The following ERCC2 variants were observed in gnomAD, a reference collection of about 807,000 sequenced individuals.
ERCC2 encodes ERCC excision repair 2, TFIIH core complex helicase subunit.
Under a neutral mutation model 99.4 loss-of-function variants are expected in ERCC2, and 90 were observed. The ratio of observed to expected loss-of-function variants is 0.91; its 90% CI spans 0.76 to 1.08. ERCC2 has a LOEUF of 1.08. Ranked by LOEUF, ERCC2 falls within the 50% of genes least tolerant of loss-of-function variation. The probability of loss-of-function intolerance (pLI) is 0.00; values close to 1 mark genes in which losing one functional copy is unlikely to be tolerated. For synonymous variants in ERCC2, 497 were observed against 432.4 expected (o/e 1.15, Z -1.85); for missense variants, 993 against 1,038.1 (o/e 0.96, Z 0.60).
At chr19:45,368,832 C>T (rs1972513411) in intron 4 of ERCC2, 89 bp from the exon 5 acceptor site, 3 of 1,562,096 alleles carry the variant, frequency 1.9e-6, no homozygotes, top group Admixed American at 1.7e-5. Flanking sequence ...TCCCCAGCTT[C>T]CCAAACACCC....
In ERCC2 at chr19:45,355,621, T is replaced by G. The variant is rs371583545; in HGVS notation, c.1543+44A>C. The G allele has an allele frequency of 3.0e-5, 46 of 1,531,082 alleles. No homozygotes were observed. The African/African-American group carries it at 5.6e-4, about 19-fold the overall frequency. 94.8% of individuals were successfully genotyped at this position (1,531,082 alleles called of 1,614,324 possible). A position where few individuals can be genotyped will look rare whatever the true frequency, so the allele number is the denominator to read the frequency against. On this transcript the variant is annotated intron_variant, in intron 16 of 22. Transcript: ENST00000391945. ...ACTCAGCCCACCTGACTGATACACC[T>G]CCCCTCTTGGAACCCACAGAAACCA...
In ERCC2 at chr19:45,350,429, T is replaced by C. The variant is rs779005130; in HGVS notation, c.*1200A>G. 2 of 1,612,882 alleles carry C rather than the reference T, an allele frequency of 1.2e-6. No homozygotes were observed. The highest frequency in any genetic ancestry group is 1.7e-6 in the Non-Finnish European group (2 of 1,179,082). Reference sequence around the variant, plus strand: ...CACAAGGAGGACCTACCCGCCCCTCTCGGTGAGCCCCTAGCCCCTGTCTGT... The same window carrying C: ...CACAAGGAGGACCTACCCGCCCCTCCCGGTGAGCCCCTAGCCCCTGTCTGT... On this transcript the variant is annotated 3_prime_UTR_variant, in exon 23 of 23. Coordinates refer to ENST00000391945, the MANE Select transcript of ERCC2 (RefSeq NM_000400.4).
chr19:45,365,344 C>T (rs922199940), intron 5 of ERCC2, among the ~76,000 whole-genome samples, 186 bp from the exon 6 acceptor site: 3 of 152,180 alleles, frequency 2.0e-5, no homozygotes, highest in Admixed American at 2.0e-4. Context: ...GGGCTGGGCG[C>T]GGTGGCTCAC....
chr19:45,357,172 A>G, intron 15 of ERCC2, 98 bp downstream of exon 15: 1 of 845,692 alleles, frequency 1.2e-6, no homozygotes, highest in South Asian at 1.5e-5. Context: ...CTTCGCTGTA[A>G]AGCTCTCCTG....
chr19:45,361,403 C>G (rs1599739161), intron 12 of ERCC2, 121 bp downstream of exon 12: 2 of 782,522 alleles, frequency 2.6e-6, no homozygotes, highest in East Asian at 5.0e-5. Flanking sequence ...AAATAGGGCC[C>G]ACACTTCCAA....
At chr19:45,353,432 G>T in intron 17 of ERCC2, 98 bp from the exon 18 acceptor site, 1 of 786,328 alleles carries the variant, frequency 1.3e-6, no homozygotes, top group Non-Finnish European at 2.2e-6. Flanking sequence ...ATGTCTCTGG[G>T]CCTCAGCTGG....
intron 22 of ERCC2, 98 bp from the exon 23 acceptor site, chr19:45,351,819 G>A: frequency 1.9e-6 from 2 of 1,053,034 alleles, no homozygotes; most frequent in South Asian, 1.3e-5. Flanking sequence ...GGCCAGTAGG[G>A]ACAGGATGTT....
At chr19:45,354,697 G>T in intron 17 of ERCC2, 33 bp downstream of exon 17, 1 of 1,612,654 alleles carries the variant, frequency 6.2e-7, no homozygotes, top group South Asian at 1.1e-5. Flanking sequence ...GGACTGAGGA[G>T]AGCAGGTGCA....
rs1971954711 is a variant in ERCC2, at chr19:45,354,761, A to G, written c.1634T>C (p.Met545Thr). Residue 545 changes from methionine (M) to threonine (T), a missense_variant, in exon 17 of 23, where the codon ATG (methionine) becomes ACG (threonine). By Grantham distance (81) the Met-to-Thr change is moderately conservative. Transcript: ENST00000391945. ...ATACCAGGAGGCCACGGTGCTCTCC[A>G]TGTACTGGTAGCTGGTGAAGAAGGC... Reference protein sequence around the residue: ...IVAFFTSYQYMESTVASWYEQ... With the variant: ...IVAFFTSYQYTESTVASWYEQ... The G allele has an allele frequency of 1.9e-6, 3 of 1,614,084 alleles. No individual in the cohort carries two copies. Among genetic ancestry groups the G allele is most frequent in the Non-Finnish European group, 2.5e-6 (3 of 1,179,968 alleles).
Position 45,358,923 on chromosome 19 carries a change from A to C in ERCC2, c.1238-1224T>G, listed in dbSNP as rs760126755. The C allele has an allele frequency of 5.2e-6, 4 of 772,216 alleles. No homozygotes were observed. The African/African-American group carries it at 6.8e-5, about 13-fold the overall frequency. 47.8% of individuals were successfully genotyped at this position (772,216 alleles called of 1,614,324 possible). On this transcript the variant is annotated intron_variant, in intron 12 of 22. Transcript: ENST00000391945. ...AGTGCTGAGCCTGGCCTGTTTGTTG[A>C]AGAAATAAATGAATGAATGAATTTA...
In ERCC2 at chr19:45,351,613, G is replaced by T. The variant is rs1332422483; in HGVS notation, c.*16C>A. 1.9e-6 allele frequency: 3 copies of T among 1,613,132 alleles called. No individual in the cohort carries two copies. Among genetic ancestry groups the T allele is most frequent in the Non-Finnish European group, 1.7e-6 (2 of 1,179,664 alleles). Reference sequence around the variant, plus strand: ...CAGGAGTCACCAGGAACCGTTTATGGCCCCACCCGCCCCACTCAGAGCTGC... The same window carrying T: ...CAGGAGTCACCAGGAACCGTTTATGTCCCCACCCGCCCCACTCAGAGCTGC... On this transcript the variant is annotated 3_prime_UTR_variant, in exon 23 of 23. Coordinates refer to ENST00000391945, the MANE Select transcript of ERCC2 (RefSeq NM_000400.4).
Position 45,351,662 on chromosome 19 carries a change from C to T in ERCC2, c.2250G>A (p.Leu750=). ...SLEQLESEET[L]KRIEQIAQQL is the part of the protein sequence containing the mutation. Reference sequence around the variant, plus strand: ...GCTGAGCAATCTGCTCTATCCTCTTCAGCGTCTCCTCTGATTCTAGCTGCT... The same window carrying T: ...GCTGAGCAATCTGCTCTATCCTCTTTAGCGTCTCCTCTGATTCTAGCTGCT... The change falls in exon 23 of 23, where the codon CTG becomes CTA. Residue 750 remains leucine, a synonymous_variant. Coordinates refer to ENST00000391945, the MANE Select transcript of ERCC2 (RefSeq NM_000400.4). 2 of 1,614,044 alleles carry T rather than the reference C, an allele frequency of 1.2e-6. No homozygotes were observed. Among genetic ancestry groups the T allele is most frequent in the Non-Finnish European group, 1.7e-6 (2 of 1,179,996 alleles).
At chr19:45,355,497 G>T (rs1359092367) in intron 16 of ERCC2, among the ~76,000 whole-genome samples, 168 bp downstream of exon 16, 2 of 152,238 alleles carry the variant, frequency 1.3e-5, no homozygotes, top group Admixed American at 1.3e-4. Context: ...AGGAGACACA[G>T]GGCAGGCCCC....
Position 45,364,413 on chromosome 19 carries a change from GC to G in ERCC2, c.718+10del, listed in dbSNP as rs56298227. ...GGCTGGCATCCCTTTGGCCCCTGGC[GC>G]CCCCCTCACCAATGTTGTGGGCCTC... On this transcript the variant is annotated intron_variant, in intron 8 of 22. Coordinates refer to ENST00000391945, the MANE Select transcript of ERCC2 (RefSeq NM_000400.4). 3.0e-5 allele frequency: 49 copies of G among 1,613,720 alleles called. No individual in the cohort carries two copies. The East Asian group carries it at 1.0e-3, about 34-fold the overall frequency.
At chr19:45,370,050 C>A in intron 2 of ERCC2, 83 bp downstream of exon 2, 1 of 1,320,684 alleles carries the variant, frequency 7.6e-7, no homozygotes, top group South Asian at 1.2e-5. Context: ...CTTCTAAAAT[C>A]CAGACGTCCT....
chr19:45,357,934 A>G lies in ERCC2; in HGVS notation c.1238-235T>C, dbSNP rs2123254004. ...TGTGCAAACTTTCACGAAGGATCCC[A>G]AGTAGAGAGCCCACAGCCCCGCCCA... is the stretch of plus-strand genomic sequence containing the variant. On this transcript the variant is annotated intron_variant, in intron 12 of 22. Transcript: ENST00000391945. The G allele has an allele frequency of 1.0e-5, 6 of 595,538 alleles. No individual in the cohort carries two copies. In the South Asian group the frequency reaches 1.1e-4, roughly 11 times the overall value. The allele number at this position is 595,538 out of a possible 1,614,324, so 36.9% of individuals were successfully genotyped here. A position where few individuals can be genotyped will look rare whatever the true frequency, so the allele number is the denominator to read the frequency against.
intron 15 of ERCC2, 114 bp downstream of exon 15, chr19:45,357,134 AAGTCTGTCTGAATCCCGAACCC>A: frequency 3.1e-6 from 2 of 649,682 alleles, no homozygotes; most frequent in South Asian, 3.6e-5. Flanking sequence ...AATCAAGCCT[AAGTCTGTCTGAATCCCGAACCC>A]AGCCTCTTCG....
intron 8 of ERCC2, 41 bp from the exon 9 acceptor site, chr19:45,364,372 G>A: frequency 6.2e-7 from 1 of 1,613,850 alleles, no homozygotes; most frequent in Middle Eastern, 1.7e-4. Flanking sequence ...AGGCCTGCAG[G>A]GGCCTCACTC....
At chr19:45,352,842 G>GGGGGCGAA in intron 19 of ERCC2, 26 bp from the exon 20 acceptor site, 1 of 1,609,990 alleles carries the variant, frequency 6.2e-7, no homozygotes, top group Non-Finnish European at 8.5e-7. Context: ...GAGGGGGCGA[G>GGGGGCGAA]GGGGGTTACA....
Sources: allele counts gnomAD v4.1 joint callset (sites outside exome capture counted in the v4.1 genomes callset), GRCh38; gene constraint gnomAD v4.1.1; transcripts MANE v1.5; gene names NCBI Gene and HGNC (gene_info 2026-07-23, HGNC 2026-07-21).